Variants in KLHL1 observed in about 807,000 individuals in gnomAD.
KLHL1 encodes the protein kelch-like protein 1.
A neutral mutation model predicts 77.7 loss-of-function variants in KLHL1; 47 were observed. The ratio of observed to expected loss-of-function variants is 0.60; its 90% CI spans 0.48 to 0.77. The LOEUF is 0.77. Ranked by LOEUF, KLHL1 falls within the 30% of genes least tolerant of loss-of-function variation. The probability of loss-of-function intolerance (pLI) is 0.00; values close to 1 mark genes in which losing one functional copy is unlikely to be tolerated. For missense variants in KLHL1, 925 were observed against 910.8 expected (o/e 1.02, Z -0.20); for synonymous variants, 360 against 325.2 (o/e 1.11, Z -1.15).
chr13:69,821,146 C>G (rs1878320626), intron 6 of KLHL1, among the ~76,000 whole-genome samples: 1 of 152,002 alleles, frequency 6.6e-6, no homozygotes, highest in Non-Finnish European at 1.5e-5. Context: ...AATGTACGAA[C>G]TGTTCTTAGT....
At chr13:69,721,567 CA>C (rs77523683) in intron 8 of KLHL1, among the ~76,000 whole-genome samples, 1 of 151,962 alleles carries the variant, frequency 6.6e-6, no homozygotes, top group East Asian at 1.9e-4. Context: ...CTATAATATT[CA>C]ATTTCTAAAT....
chr13:69,732,811 C>A (rs1873606393), intron 8 of KLHL1, among the ~76,000 whole-genome samples: 1 of 152,106 alleles, frequency 6.6e-6, no homozygotes, highest in Admixed American at 6.6e-5. Flanking sequence ...TTGGCGCCAG[C>A]AGATTGGCAT....
At chr13:70,040,527 T>C (rs1375835011) in intron 1 of KLHL1, among the ~76,000 whole-genome samples, 1 of 152,198 alleles carries the variant, frequency 6.6e-6, no homozygotes, top group Non-Finnish European at 1.5e-5. Flanking sequence ...TGAAAACTAT[T>C]GTGCTGCTTC....
intron 1 of KLHL1, among the ~76,000 whole-genome samples, chr13:70,103,064 A>G (rs1395210367): frequency 6.6e-6 from 1 of 152,166 alleles, no homozygotes; most frequent in East Asian, 1.9e-4. Context: ...AGAAGACAAA[A>G]CACAGGATAT....
chr13:69,784,480 A>G (rs1303386990), intron 7 of KLHL1, among the ~76,000 whole-genome samples: 2 of 152,164 alleles, frequency 1.3e-5, no homozygotes, highest in Admixed American at 1.3e-4. Context: ...AAATAAAGGG[A>G]TGGAGAAAGA....
chr13:70,074,860 G>A (rs1463476506), intron 1 of KLHL1, among the ~76,000 whole-genome samples: 1 of 152,016 alleles, frequency 6.6e-6, no homozygotes, highest in Admixed American at 6.6e-5. Flanking sequence ...GCATGATTGT[G>A]TAGATAAAAA....
intron 6 of KLHL1, among the ~76,000 whole-genome samples, chr13:69,802,769 C>T (rs530136367): frequency 6.6e-6 from 1 of 152,136 alleles, no homozygotes; most frequent in South Asian, 2.1e-4. Context: ...ACAGGAATTG[C>T]TCAGTCAGGG....
chr13:69,924,410 A>G (rs1422119393), intron 4 of KLHL1, among the ~76,000 whole-genome samples: 1 of 152,072 alleles, frequency 6.6e-6, no homozygotes, highest in Non-Finnish European at 1.5e-5. Context: ...AGACTCAGCC[A>G]GACTCGAGAG....
At chr13:70,092,454 T>C (rs1887691438) in intron 1 of KLHL1, among the ~76,000 whole-genome samples, 1 of 152,188 alleles carries the variant, frequency 6.6e-6, no homozygotes, top group South Asian at 2.1e-4. Context: ...TCTGTCGTCT[T>C]TGCTTAGGTA....
chr13:69,827,652 C>T (rs1566298643), intron 6 of KLHL1, among the ~76,000 whole-genome samples: 1 of 150,676 alleles, frequency 6.6e-6, no homozygotes, highest in Non-Finnish European at 1.5e-5. Context: ...ATCTCGTGAA[C>T]CCCAGGAGTC....
intron 7 of KLHL1, among the ~76,000 whole-genome samples, chr13:69,753,975 T>A (rs1048394888): frequency 1.3e-4 from 19 of 151,514 alleles, no homozygotes; most frequent in Non-Finnish European, 2.4e-4. Context: ...TAGCTGGGAC[T>A]AGAGGCGTGT....
intron 7 of KLHL1, among the ~76,000 whole-genome samples, chr13:69,756,015 G>A (rs190027401): frequency 1.3e-5 from 2 of 152,208 alleles, no homozygotes; most frequent in Non-Finnish European, 2.9e-5. Context: ...CCATTGGGCC[G>A]TTAGTGGAAT....
At chr13:69,706,261 TCTA>T (rs1429714793) in intron 10 of KLHL1, among the ~76,000 whole-genome samples, 1 of 151,878 alleles carries the variant, frequency 6.6e-6, no homozygotes, top group East Asian at 1.9e-4. Context: ...CCTTCTTTTC[TCTA>T]CTCCTTCTTT....
intron 4 of KLHL1, among the ~76,000 whole-genome samples, chr13:69,936,692 C>G (rs191052235): frequency 2.7e-5 from 4 of 150,816 alleles, no homozygotes; most frequent in African/African-American, 9.7e-5. Flanking sequence ...ACTCAATGTT[C>G]TAAGTTTAAA....
intron 5 of KLHL1, among the ~76,000 whole-genome samples, chr13:69,851,097 T>TAC (rs1879669282): frequency 3.6e-5 from 1 of 27,922 alleles, no homozygotes; most frequent in Non-Finnish European, 7.0e-5. Context: ...CTGAAAAACA[T>TAC]ACATATATAC....
At chr13:69,782,633 C>T (rs1396699856) in intron 7 of KLHL1, among the ~76,000 whole-genome samples, 1 of 152,156 alleles carries the variant, frequency 6.6e-6, no homozygotes, top group African/African-American at 2.4e-5. Flanking sequence ...TGCCATTGCC[C>T]AAGTTTGATT....
intron 4 of KLHL1, 96 bp downstream of exon 4, chr13:69,939,944 T>TA: frequency 1.1e-6 from 1 of 919,930 alleles, no homozygotes; most frequent in East Asian, 2.8e-5. Context: ...AAACTCATTT[T>TA]AAACTTAAAA....
chr13:70,032,901 A>T (rs1487438751), intron 1 of KLHL1, among the ~76,000 whole-genome samples: 1 of 152,202 alleles, frequency 6.6e-6, no homozygotes, highest in Non-Finnish European at 1.5e-5. Context: ...TATGGTCATT[A>T]AATATCATTA....
chr13:69,741,733 CTTCT>C (rs1873997106), intron 7 of KLHL1, among the ~76,000 whole-genome samples: 1 of 152,122 alleles, frequency 6.6e-6, no homozygotes, highest in Admixed American at 6.6e-5. Context: ...TATTTCTCTG[CTTCT>C]TTGAGATGTA....
Sources: allele counts gnomAD v4.1 joint callset (sites outside exome capture counted in the v4.1 genomes callset), GRCh38; gene constraint gnomAD v4.1.1; transcripts MANE v1.5; gene names NCBI Gene and HGNC (gene_info 2026-07-23, HGNC 2026-07-21).